CDH20: variants seen among roughly 807,000 people sequenced by gnomAD.
The protein encoded by CDH20 is cadherin-20.
A neutral mutation model predicts 74.2 loss-of-function variants in CDH20; 29 were observed. The ratio of observed to expected loss-of-function variants is 0.39; its 90% CI spans 0.29 to 0.53. CDH20 has a LOEUF of 0.53. Ranked by LOEUF, CDH20 falls within the 20% of genes least tolerant of loss-of-function variation. The probability of loss-of-function intolerance (pLI) is 0.69; values close to 1 mark genes in which losing one functional copy is unlikely to be tolerated. For missense variants in CDH20, 988 were observed against 1,048.3 expected, an observed-to-expected ratio of 0.94 and a Z score of 0.79; for synonymous variants, 469 against 405.4, an observed-to-expected ratio of 1.16 and a Z score of -1.88.
chr18:61,336,502 T>C (rs1220056372), intron 1 of CDH20, among the ~76,000 whole-genome samples: 1 of 152,202 alleles, frequency 6.6e-6, no homozygotes, highest in Non-Finnish European at 1.5e-5. Context: ...AAGTAAATAG[T>C]TGGAAGTCAT....
At chr18:61,528,316 C>T in intron 7 of CDH20, 96 bp downstream of exon 7, 1 of 1,297,720 alleles carries the variant, frequency 7.7e-7, no homozygotes, top group Non-Finnish European at 1.1e-6. Context: ...TCTTTCTTCT[C>T]TATCCCATTT....
At chr18:61,374,561 A>T (rs1045203707) in intron 1 of CDH20, among the ~76,000 whole-genome samples, 5 of 152,168 alleles carry the variant, frequency 3.3e-5, no homozygotes, top group African/African-American at 1.2e-4. Context: ...TTTTCAAAAC[A>T]TTAGGATGAG....
chr18:61,449,763 AAT>A (rs1555677334), intron 1 of CDH20, among the ~76,000 whole-genome samples: 4 of 150,616 alleles, frequency 2.7e-5, no homozygotes, highest in African/African-American at 2.4e-5. Context: ...AATAGAAAAA[AAT>A]ATATATATAT....
At chr18:61,421,512 G>A (rs867244528) in intron 1 of CDH20, among the ~76,000 whole-genome samples, 154 of 152,244 alleles carry the variant, frequency 1.0e-3, no homozygotes, top group African/African-American at 3.5e-3. Context: ...ATTATAAAGT[G>A]TACAGCTCTA....
At chr18:61,384,578 T>G (rs548749199) in intron 1 of CDH20, among the ~76,000 whole-genome samples, 9 of 152,326 alleles carry the variant, frequency 5.9e-5, no homozygotes, top group Middle Eastern at 6.8e-3. Flanking sequence ...CGACTATAGT[T>G]GTGAGCACTA....
At chr18:61,407,272 G>A (rs906057651) in intron 1 of CDH20, among the ~76,000 whole-genome samples, 1 of 152,142 alleles carries the variant, frequency 6.6e-6, no homozygotes, top group African/African-American at 2.4e-5. Flanking sequence ...GAAAAAGATG[G>A]CTCCCAGGGC....
In CDH20 at chr18:61,359,868, G is replaced by A. The variant is rs111423566; in HGVS notation, c.-153+26041G>A. 1.3e-3 allele frequency among the ~76,000 whole-genome samples: 195 copies of A among 152,278 alleles called. 1 individual carries two copies. The highest frequency in any genetic ancestry group is 0.01 in the East Asian group (53 of 5,188). On this transcript the variant is annotated intron_variant, in intron 1 of 11. Transcript: ENST00000262717. Reference sequence around the variant, plus strand: ...ACTGTGTGGTAGGTGCTGGGCTGGCGTTCTGATTTCCAAACTCCATCTATG... The same window carrying A: ...ACTGTGTGGTAGGTGCTGGGCTGGCATTCTGATTTCCAAACTCCATCTATG...
At chr18:61,425,810 C>G (rs1308857305) in intron 1 of CDH20, among the ~76,000 whole-genome samples, 2 of 152,068 alleles carry the variant, frequency 1.3e-5, no homozygotes, top group Non-Finnish European at 2.9e-5. Flanking sequence ...AGAACTTATC[C>G]ATGTAAACAA....
intron 1 of CDH20, among the ~76,000 whole-genome samples, chr18:61,453,390 G>T (rs9951192): frequency 0.36 from 54,704 of 151,982 alleles, 10,144 homozygotes; most frequent in East Asian, 0.47. Flanking sequence ...TGATTCCCCT[G>T]CCTCAGCCTC....
chr18:61,413,463 G>T (rs539905206), intron 1 of CDH20, among the ~76,000 whole-genome samples: 1 of 152,256 alleles, frequency 6.6e-6, no homozygotes, highest in South Asian at 2.1e-4. Flanking sequence ...ATAATGCACT[G>T]CAAGAAAAGT....
chr18:61,391,918 C>T (rs1911798148), intron 1 of CDH20, among the ~76,000 whole-genome samples: 1 of 152,154 alleles, frequency 6.6e-6, no homozygotes, highest in South Asian at 2.1e-4. Flanking sequence ...TCCTCCATCT[C>T]CTTCATTACT....
chr18:61,351,876 T>C (rs1048360933), intron 1 of CDH20, among the ~76,000 whole-genome samples: 5 of 152,186 alleles, frequency 3.3e-5, no homozygotes, highest in African/African-American at 9.6e-5. Flanking sequence ...TCAATACATG[T>C]TGAGTTACAA....
chr18:61,351,226 G>C (rs1008083554), intron 1 of CDH20, among the ~76,000 whole-genome samples: 1 of 152,126 alleles, frequency 6.6e-6, no homozygotes, highest in African/African-American at 2.4e-5. Flanking sequence ...AGACCATCTG[G>C]ATATAGATGC....
chr18:61,503,137 A>G lies in CDH20; in HGVS notation c.829+17A>G. 2 of 1,574,940 alleles carry G rather than the reference A, an allele frequency of 1.3e-6. No individual in the cohort carries two copies. The highest frequency in any genetic ancestry group is 1.7e-6 in the Non-Finnish European group (2 of 1,161,164). ...TTCCCCAGAGTGAGTACCTAACCCA[A>G]GAGAGCACAGACCTCGGGCCCAGAG... On this transcript the variant is annotated intron_variant, in intron 5 of 11. Coordinates refer to ENST00000262717, the MANE Select transcript of CDH20 (RefSeq NM_031891.4).
At chr18:61,359,711 C>T (rs751881046) in intron 1 of CDH20, among the ~76,000 whole-genome samples, 2 of 152,174 alleles carry the variant, frequency 1.3e-5, no homozygotes, top group African/African-American at 2.4e-5. Context: ...GATATACTGA[C>T]GTGAGTTTAA....
In CDH20 at chr18:61,354,721, A is replaced by G. The variant is rs1599032615; in HGVS notation, c.-153+20894A>G. On this transcript the variant is annotated intron_variant, in intron 1 of 11. Transcript: ENST00000262717. Reference sequence around the variant, plus strand: ...GGGATCTAAAAGTAACCCCCTGTGCATGAAACCCTAACATATATTGATATT... The same window carrying G: ...GGGATCTAAAAGTAACCCCCTGTGCGTGAAACCCTAACATATATTGATATT... Among the ~76,000 whole-genome samples, 3 of 152,134 alleles carry G rather than the reference A, an allele frequency of 2.0e-5. No individual in the cohort carries two copies. In the East Asian group the frequency reaches 5.8e-4, roughly 29 times the overall value.
At position 61,507,505 on chromosome 18, in the gene CDH20, C is replaced by T. The variant is rs148517362; in HGVS notation, c.962C>T (p.Ala321Val). The change falls in exon 6 of 12, where the codon GCC becomes GTC. Residue 321 changes from alanine to valine, a missense_variant. By Grantham distance (64) the Ala-to-Val change is moderately conservative. Coordinates refer to ENST00000262717, the MANE Select transcript of CDH20 (RefSeq NM_031891.4). ...YTIVDGDGAD[A>V]FDISTDPNFQ... is the part of the protein sequence containing the mutation. ...ATTGTGGATGGAGATGGTGCAGATG[C>T]CTTTGACATTAGCACAGATCCCAAT... The T allele has an allele frequency of 1.2e-6, 2 of 1,613,626 alleles. No individual in the cohort carries two copies. Among genetic ancestry groups the T allele is most frequent in the African/African-American group, 2.7e-5 (2 of 74,874 alleles).
chr18:61,531,708 G>A (rs1037519875), intron 7 of CDH20, among the ~76,000 whole-genome samples: 1 of 152,104 alleles, frequency 6.6e-6, no homozygotes, highest in African/African-American at 2.4e-5. Flanking sequence ...TGTCAAGGGC[G>A]GGACCAGGTA....
At chr18:61,529,703 C>T (rs1912572017) in intron 7 of CDH20, among the ~76,000 whole-genome samples, 1 of 152,044 alleles carries the variant, frequency 6.6e-6, no homozygotes, top group Non-Finnish European at 1.5e-5. Flanking sequence ...TGTATTAATC[C>T]ACCATAGGCT....
Sources: allele counts gnomAD v4.1 joint callset (sites outside exome capture counted in the v4.1 genomes callset), GRCh38; gene constraint gnomAD v4.1.1; transcripts MANE v1.5; gene names NCBI Gene and HGNC (gene_info 2026-07-23, HGNC 2026-07-21).